ZNF729: variants seen among roughly 807,000 people sequenced by gnomAD.
ZNF729 encodes zinc finger protein 729.
In ZNF729, 15 loss-of-function variants were observed where a neutral mutation model predicts 12.2. The ratio of observed to expected loss-of-function variants is 1.23; its 90% confidence interval spans 0.82 to 1.89. ZNF729 has a LOEUF of 1.89. Ranked by LOEUF, ZNF729 falls within the 40% of genes most tolerant of loss-of-function variation. The probability of loss-of-function intolerance (pLI) is 0.00; values close to 1 mark genes in which losing one functional copy is unlikely to be tolerated. For missense variants in ZNF729, 1,540 were observed against 1,456.7 expected (o/e 1.06, Z -0.93); for synonymous variants, 492 against 476.3 (o/e 1.03, Z -0.43).
Position 22,313,717 on chromosome 19 carries a change from A to G in ZNF729, c.300A>G (p.Thr100=). 1 of 1,560,844 alleles carries G rather than the reference A, an allele frequency of 6.4e-7. No individual in the cohort carries two copies. Among genetic ancestry groups the G allele is most frequent in the East Asian group, 2.3e-5 (1 of 44,358 alleles). Residue 100 remains threonine (T), a synonymous_variant, in exon 4 of 4, where the codon ACA becomes ACG. Transcript: ENST00000601693. ...FTQDLWPDQS[T]KDSFQEVILR... is the part of the protein sequence containing the mutation. ...AAGACCTTTGGCCAGATCAGAGCAC[A>G]AAAGATTCTTTCCAAGAAGTAATAC...
At chr19:22,303,069 C>CTGGCCTTTTAAGTATCTTTATGCAGCTGA (rs1968334266) in intron 1 of ZNF729, among the ~76,000 whole-genome samples, 1 of 152,176 alleles carries the variant, frequency 6.6e-6, no homozygotes, top group African/African-American at 2.4e-5. Flanking sequence ...GCTACTGCGC[C>CTGGCCTTTTAAGTATCTTTATGCAGCTGA]TGGCCTTTTA....
chr19:22,305,392 A>T (rs1373425917), intron 3 of ZNF729, among the ~76,000 whole-genome samples: 6 of 152,112 alleles, frequency 3.9e-5, no homozygotes. Context: ...CTTTTACATG[A>T]ATTTTCTATT....
chr19:22,299,560 CT>C (rs1025527953), intron 1 of ZNF729: 5 of 150,466 alleles, frequency 3.3e-5, no homozygotes, highest in Non-Finnish European at 4.4e-5. Flanking sequence ...ATGCATTTAA[CT>C]TTTTTTTTTC....
At chr19:22,299,833 C>G (rs540212442) in intron 1 of ZNF729, 3 of 152,368 alleles carry the variant, frequency 2.0e-5, no homozygotes, top group African/African-American at 7.2e-5. Flanking sequence ...CCTGCAGGCT[C>G]TCCTCCTGCA....
Position 22,316,858 on chromosome 19 carries a change from T to G in ZNF729, c.3441T>G (p.Leu1147=), listed in dbSNP as rs769866565. ...CGKAFSQSSI[L]TKHKIIHSVE... ...AAGCCTTTAGTCAGTCCTCAATCCT[T>G]ACTAAACATAAGATAATTCATTCTG... Residue 1147 remains leucine, a synonymous_variant, in exon 4 of 4, where the codon CTT becomes CTG. Transcript: ENST00000601693. 2.5e-6 allele frequency: 4 copies of G among 1,613,018 alleles called. No individual in the cohort carries two copies. Among genetic ancestry groups the G allele is most frequent in the Non-Finnish European group, 3.4e-6 (4 of 1,179,936 alleles).
chr19:22,316,066 A>G lies in ZNF729; in HGVS notation c.2649A>G (p.Glu883=), dbSNP rs1968535164. ...GTGGAGAGAAACCATACAAATGTGA[A>G]GAATGTGGTAAAGCTTTTAAGTGGT... The part of the protein sequence containing the change: ...IHSGEKPYKC[E]ECGKAFKWLS... The change falls in exon 4 of 4, where the codon GAA becomes GAG. Residue 883 remains glutamate (E), a synonymous_variant. Transcript: ENST00000601693. 1 of 1,610,680 alleles carries G rather than the reference A, an allele frequency of 6.2e-7. No individual in the cohort carries two copies. Among genetic ancestry groups the G allele is most frequent in the Non-Finnish European group, 8.5e-7 (1 of 1,179,558 alleles).
At chr19:22,301,599 T>C (rs1219199134) in intron 1 of ZNF729, among the ~76,000 whole-genome samples, 1 of 152,308 alleles carries the variant, frequency 6.6e-6, no homozygotes, top group Non-Finnish European at 1.5e-5. Context: ...TTTTCTGTAT[T>C]GTGAGATGTC....
Position 22,314,495 on chromosome 19 carries a change from T to C in ZNF729, c.1078T>C (p.Ser360Pro). 1 of 1,608,802 alleles carries C rather than the reference T, an allele frequency of 6.2e-7. No individual in the cohort carries two copies. The highest frequency in any genetic ancestry group is 8.5e-7 in the Non-Finnish European group (1 of 1,177,880). Residue 360 changes from serine to proline, a missense_variant, in exon 4 of 4, where the codon TCC (serine) becomes CCC (proline). Physicochemically the swap from Ser to Pro is moderately conservative, Grantham distance 74. Coordinates refer to ENST00000601693, the MANE Select transcript of ZNF729 (RefSeq NM_001242680.2). ...AGAATGTGGCAAAGCTTTTAGCCAGTCCTCAACCCTTAGAAAACATGAGAT... is the reference window on the plus strand; with the variant it reads ...AGAATGTGGCAAAGCTTTTAGCCAGCCCTCAACCCTTAGAAAACATGAGAT... ...REECGKAFSQ[S>P]STLRKHEIIH...
chr19:22,303,730 T>G (rs765603055), intron 1 of ZNF729, 28 bp from the exon 2 acceptor site: 1 of 1,517,476 alleles, frequency 6.6e-7, no homozygotes. Context: ...TTGGGAAATG[T>G]ATATGTGTCT....
chr19:22,299,556 T>C (rs1968277713), intron 1 of ZNF729: 1 of 152,288 alleles, frequency 6.6e-6, no homozygotes, highest in Non-Finnish European at 1.5e-5. Flanking sequence ...TAAAATGCAT[T>C]TAACTTTTTT....
intron 1 of ZNF729, among the ~76,000 whole-genome samples, chr19:22,298,664 C>T (rs1336962031): frequency 6.6e-6 from 1 of 152,158 alleles, no homozygotes; most frequent in Non-Finnish European, 1.5e-5. Context: ...CAGACACCCA[C>T]CACCATGCCT....
rs991787950 is a variant in ZNF729, at chr19:22,314,682, A to G, written c.1265A>G (p.His422Arg). The change falls in exon 4 of 4, where the codon CAT becomes CGT. Residue 422 changes from histidine to arginine, a missense_variant. Coordinates refer to ENST00000601693, the MANE Select transcript of ZNF729 (RefSeq NM_001242680.2). ...AGCCAGTTCTCAACCCTTAAAAAAC[A>G]TAAGATAATTCATACTGGAAAGAAA... ...AFSQFSTLKK[H>R]KIIHTGKKPY... 9 of 1,612,916 alleles carry G rather than the reference A, an allele frequency of 5.6e-6. No individual in the cohort carries two copies. The African/African-American group carries it at 6.7e-5, about 12-fold the overall frequency.
Position 22,297,617 on chromosome 19 carries a change from T to C in ZNF729, c.31-6141T>C, listed in dbSNP as rs1177587044. On this transcript the variant is annotated intron_variant, in intron 1 of 3. Coordinates refer to ENST00000601693, the MANE Select transcript of ZNF729 (RefSeq NM_001242680.2). ...GACTCAGGATTCTTTTTATTTAGAT[T>C]CATTGCTTTGTTTTTGCTTTGGTGT... Among the ~76,000 whole-genome samples, 5 of 147,462 alleles carry C rather than the reference T, an allele frequency of 3.4e-5. No homozygotes were observed. The Admixed American group carries it at 3.5e-4, about 10-fold the overall frequency.
chr19:22,308,604 T>C (rs1968413588), intron 3 of ZNF729, among the ~76,000 whole-genome samples: 1 of 152,176 alleles, frequency 6.6e-6, no homozygotes, highest in African/African-American at 2.4e-5. Context: ...GTGGTTTTGA[T>C]TTGCATTTCC....
intron 1 of ZNF729, among the ~76,000 whole-genome samples, chr19:22,291,346 C>A (rs1968150483): frequency 6.6e-6 from 1 of 152,114 alleles, no homozygotes; most frequent in East Asian, 1.9e-4. Flanking sequence ...GATAACAGAC[C>A]CCCTTTTTCC....
chr19:22,289,222 G>A (rs934513022), intron 1 of ZNF729, among the ~76,000 whole-genome samples: 1 of 146,816 alleles, frequency 6.8e-6, no homozygotes, highest in Non-Finnish European at 1.5e-5. Context: ...TATTCCATTT[G>A]TTAATTTTTT....
At chr19:22,303,910 T>C in intron 2 of ZNF729, 26 bp downstream of exon 2, 1 of 1,545,378 alleles carries the variant, frequency 6.5e-7, no homozygotes, top group Non-Finnish European at 8.8e-7. Context: ...ATTAAGCAAT[T>C]CCTATTATAT....
chr19:22,304,285 C>T (rs112738992), intron 2 of ZNF729, among the ~76,000 whole-genome samples: 3,808 of 152,226 alleles, frequency 0.025, 155 homozygotes, highest in African/African-American at 0.087. Context: ...GTGATCCACC[C>T]GCCTTGGCCT....
chr19:22,316,355 A>T lies in ZNF729; in HGVS notation c.2938A>T (p.Thr980Ser). The T allele has an allele frequency of 6.2e-7, 1 of 1,613,756 alleles. No homozygotes were observed. The highest frequency in any genetic ancestry group is 2.2e-5 in the East Asian group (1 of 44,852). ...AGCTTTTAAGCAATCCTCACATCTT[A>T]CTAGACATAAAGCAATTCATACTGG... is the stretch of plus-strand genomic sequence containing the variant. ...GKAFKQSSHL[T>S]RHKAIHTGEK... Residue 980 changes from threonine (T) to serine (S), a missense_variant, in exon 4 of 4, where the codon ACT (threonine) becomes TCT (serine). Physicochemically the swap from Thr to Ser is moderately conservative, Grantham distance 58. Transcript: ENST00000601693.
Sources: gnomAD v4.1 joint callset for allele counts (sites outside exome capture counted in the v4.1 genomes callset) on GRCh38, gnomAD v4.1.1 for gene constraint, MANE v1.5 for transcripts, NCBI Gene and HGNC (gene_info 2026-07-23, HGNC 2026-07-21) for gene names.